SEMA3A: variants seen among roughly 807,000 people sequenced by gnomAD.
The protein encoded by SEMA3A is semaphorin 3A, also known as semaphorin-3A.
In SEMA3A, 29 loss-of-function variants were observed where a neutral mutation model predicts 97.9. That is an observed-to-expected ratio of 0.30 (90% CI 0.22 to 0.40). The LOEUF (loss-of-function observed/expected upper bound fraction) is 0.40. SEMA3A is among the 10% of genes least tolerant of loss of function. The pLI, the probability that SEMA3A is intolerant of heterozygous loss-of-function variation, is 1.00. For missense variants in SEMA3A, 763 were observed against 951.3 expected, an observed-to-expected ratio of 0.80 and a Z score of 2.60; for synonymous variants, 321 against 323.7, an observed-to-expected ratio of 0.99 and a Z score of 0.09.
chr7:84,060,882 T>A (rs1226966921), intron 4 of SEMA3A, among the ~76,000 whole-genome samples: 1 of 152,214 alleles, frequency 6.6e-6, no homozygotes, highest in Non-Finnish European at 1.5e-5. Context: ...TAATCTATCA[T>A]AATGGCTTTT....
chr7:84,319,019 T>G (rs1801582401), intron 2 of SEMA3A, among the ~76,000 whole-genome samples: 1 of 152,224 alleles, frequency 6.6e-6, no homozygotes, highest in Admixed American at 6.5e-5. Context: ...CTACTATTAC[T>G]GGACATTTAT....
Position 84,321,872 on chromosome 7 carries a change from GAAAAAAAAAAA to G in SEMA3A, c.-168-14591_-168-14581del, listed in dbSNP as rs1156548285. Among the ~76,000 whole-genome samples, 12 of 12,076 alleles carry G rather than the reference GAAAAAAAAAAA, an allele frequency of 9.9e-4. No individual in the cohort carries two copies. In the East Asian group the frequency reaches 0.011, roughly 11 times the overall value. The allele number at this position is 12,076 out of a possible 152,430, so 7.9% of individuals were successfully genotyped here. On this transcript the variant is annotated intron_variant, in intron 2 of 3. Transcript: ENST00000424555. ...GCCTGGCCGACAGAGCGAGACTACG[GAAAAAAAAAAA>G]AAAAAAAAAAAAAAAAGAAGAAGAA...
chr7:84,162,746 A>G (rs1797077855), intron 1 of SEMA3A, among the ~76,000 whole-genome samples: 1 of 152,146 alleles, frequency 6.6e-6, no homozygotes, highest in African/African-American at 2.4e-5. Flanking sequence ...TCAGGTTCTT[A>G]GAAGCAATAC....
chr7:84,208,545 T>C (rs1256778630), intron 3 of SEMA3A, among the ~76,000 whole-genome samples: 3 of 152,128 alleles, frequency 2.0e-5, no homozygotes, highest in African/African-American at 7.2e-5. Context: ...CTTTTAGAAA[T>C]ATACAGCAAC....
intron 2 of SEMA3A, among the ~76,000 whole-genome samples, chr7:84,353,655 T>G (rs1390297907): frequency 6.6e-6 from 1 of 151,726 alleles, no homozygotes; most frequent in African/African-American, 2.4e-5. Flanking sequence ...AAAAAGTGTT[T>G]CATTTTCTTT....
intron 2 of SEMA3A, among the ~76,000 whole-genome samples, chr7:84,309,352 T>C (rs1290477678): frequency 6.6e-6 from 1 of 152,074 alleles, no homozygotes; most frequent in South Asian, 2.1e-4. Flanking sequence ...TGACATAAAA[T>C]GAGAAAATGA....
intron 1 of SEMA3A, among the ~76,000 whole-genome samples, chr7:84,393,538 C>A (rs1227565384): frequency 6.6e-6 from 1 of 152,046 alleles, no homozygotes; most frequent in Non-Finnish European, 1.5e-5. Flanking sequence ...AGAAATGAAC[C>A]CATGCATCTA....
rs1008249923 is a variant in SEMA3A, at chr7:84,063,162, G to A, written c.454-2604C>T. On this transcript the variant is annotated intron_variant, in intron 4 of 16. Coordinates refer to ENST00000265362, the MANE Select transcript of SEMA3A (RefSeq NM_006080.3). ...AGGCACCCCCAAGCAGGGGCACACTGACACCTCACATGGCAGGGTATTCCA... is the reference window on the plus strand; with the variant it reads ...AGGCACCCCCAAGCAGGGGCACACTAACACCTCACATGGCAGGGTATTCCA... Among the ~76,000 whole-genome samples, 37 of 151,924 alleles carry A rather than the reference G, an allele frequency of 2.4e-4. 1 individual carries two copies. Among genetic ancestry groups the A allele is most frequent in the East Asian group, 5.9e-4 (3 of 5,102 alleles).
At chr7:84,455,000 C>T (rs929564999) in intron 1 of SEMA3A, among the ~76,000 whole-genome samples, 5 of 151,842 alleles carry the variant, frequency 3.3e-5, no homozygotes, top group Non-Finnish European at 5.9e-5. Flanking sequence ...CTCAATGAAC[C>T]TGAATGTGTA....
At chr7:84,270,476 TGG>T (rs1203886442) in intron 3 of SEMA3A, among the ~76,000 whole-genome samples, 2 of 150,960 alleles carry the variant, frequency 1.3e-5, no homozygotes, top group Non-Finnish European at 3.0e-5. Flanking sequence ...TATCAGCCTT[TGG>T]CAATAATATC....
At chr7:84,336,433 G>A (rs1463729923) in intron 2 of SEMA3A, among the ~76,000 whole-genome samples, 3 of 152,088 alleles carry the variant, frequency 2.0e-5, no homozygotes, top group Admixed American at 1.3e-4. Flanking sequence ...ATGGCCACAC[G>A]CCAATAGATA....
chr7:84,492,463 C>G (rs1380763140), exon 1 of SEMA3A: 1 of 152,112 alleles, frequency 6.6e-6, no homozygotes, highest in Non-Finnish European at 1.5e-5. Flanking sequence ...CACTTACTGC[C>G]TTTGTTGTCC....
intron 6 of SEMA3A, among the ~76,000 whole-genome samples, chr7:84,024,920 T>C (rs929767547): frequency 9.2e-5 from 14 of 152,000 alleles, no homozygotes; most frequent in African/African-American, 3.1e-4. Flanking sequence ...AAACCCCGTC[T>C]CTACTAAAAC....
intron 4 of SEMA3A, among the ~76,000 whole-genome samples, chr7:84,085,329 C>A (rs1794298226): frequency 6.7e-6 from 1 of 149,468 alleles, no homozygotes. Flanking sequence ...GAAATGAGAA[C>A]ATAGATGTAG....
intron 1 of SEMA3A, among the ~76,000 whole-genome samples, chr7:84,164,589 A>G (rs1464771913): frequency 6.6e-6 from 1 of 152,182 alleles, no homozygotes; most frequent in Non-Finnish European, 1.5e-5. Context: ...ACGCAGACCC[A>G]TATAAACACA....
chr7:84,281,864 G>T (rs74987114), intron 3 of SEMA3A, among the ~76,000 whole-genome samples: 11,185 of 152,128 alleles, frequency 0.074, 1,401 homozygotes, highest in African/African-American at 0.26. Flanking sequence ...GGTTGGCATA[G>T]CTAGAATTCA....
At chr7:84,453,278 C>T (rs2116370005) in intron 1 of SEMA3A, among the ~76,000 whole-genome samples, 1 of 150,910 alleles carries the variant, frequency 6.6e-6, no homozygotes, top group East Asian at 2.0e-4. Context: ...CGCTGTCGCC[C>T]AGGCTGGAGT....
Position 83,994,103 on chromosome 7 carries a change from T to C in SEMA3A, c.1452+7852A>G, listed in dbSNP as rs369231443. On this transcript the variant is annotated intron_variant, in intron 12 of 16. Transcript: ENST00000265362. The stretch of plus-strand genomic sequence containing the variant: ...GCTGATACCCTTTCTTCCAGTTGAT[T>C]GCATCGGCTCCTGAGGCTTCTGCAT... Among the ~76,000 whole-genome samples the C allele has an allele frequency of 2.5e-3, 381 of 150,438 alleles. 2 individuals are homozygous for C. The highest frequency in any genetic ancestry group is 8.1e-3 in the African/African-American group (331 of 40,682).
In SEMA3A at chr7:84,194,718, T is replaced by A; in HGVS notation, c.-132A>T. The A allele has an allele frequency of 1.7e-6, 1 of 594,772 alleles. No homozygotes were observed. The highest frequency in any genetic ancestry group is 3.0e-6 in the Non-Finnish European group (1 of 332,788). 36.8% of individuals were successfully genotyped at this position (594,772 alleles called of 1,614,324 possible). On this transcript the variant is annotated 5_prime_UTR_variant, in exon 1 of 17. The change abolishes the stop of an existing upstream ORF in the 5' untranslated region. Coordinates refer to ENST00000265362, the MANE Select transcript of SEMA3A (RefSeq NM_006080.3). ...CAGTTTCATTCATAAATGCAGACAA[T>A]CAAGACCTCATGGCAACACTAACAC...
Sources: allele counts gnomAD v4.1 joint callset (sites outside exome capture counted in the v4.1 genomes callset), GRCh38; gene constraint gnomAD v4.1.1; transcripts MANE v1.5; gene names NCBI Gene and HGNC (gene_info 2026-07-23, HGNC 2026-07-21).